The following C6orf89 variants were observed in gnomAD, a reference collection of about 807,000 sequenced individuals.
C6orf89 encodes the protein chromosome 6 open reading frame 89.
A neutral mutation model predicts 40.7 loss-of-function variants in C6orf89; 29 were observed. The observed-to-expected ratio is 0.71, with a 90% CI of 0.53 to 0.97. The LOEUF is 0.97. Ranked by LOEUF, C6orf89 falls within the 50% of genes least tolerant of loss-of-function variation. The pLI, the probability that C6orf89 is intolerant of heterozygous loss-of-function variation, is 0.00. For synonymous variants in C6orf89, 165 were observed against 152.2 expected (o/e 1.08, Z -0.62); for missense variants, 392 against 429.1 (o/e 0.91, Z 0.76).
chr6:36,874,249 A>G (rs556871199), intron 1 of C6orf89, among the ~76,000 whole-genome samples: 1 of 152,346 alleles, frequency 6.6e-6, no homozygotes, highest in African/African-American at 2.4e-5. Context: ...TCACTCTTTG[A>G]TAGTGGGGAA....
At chr6:36,899,334 C>A (rs879158913) in intron 2 of C6orf89, 92 bp from the exon 3 acceptor site, 4 of 1,116,432 alleles carry the variant, frequency 3.6e-6, no homozygotes, top group African/African-American at 3.1e-5. Context: ...CAAAACTGGT[C>A]CTTCTCTACA....
chr6:36,907,302 T>TTTGTA (rs1413751287), intron 4 of C6orf89, among the ~76,000 whole-genome samples: 1 of 152,120 alleles, frequency 6.6e-6, no homozygotes, highest in African/African-American at 2.4e-5. Flanking sequence ...TTTGTTTTGT[T>TTTGTA]TTGTTTTGTT....
At chr6:36,874,807 T>G (rs1397143429) in intron 1 of C6orf89, 2 of 1,611,610 alleles carry the variant, frequency 1.2e-6, no homozygotes, top group African/African-American at 1.3e-5. Flanking sequence ...GTCTAGTAAT[T>G]GCTACTTCCG....
chr6:36,917,712 T>TGCCTCAGA (rs56310508), intron 7 of C6orf89, among the ~76,000 whole-genome samples: 33,989 of 151,956 alleles, frequency 0.22, 3,858 homozygotes, highest in East Asian at 0.3. Flanking sequence ...GCTGGGCTCT[T>TGCCTCAGA]GCCTCAGATT....
intron 3 of C6orf89, among the ~76,000 whole-genome samples, chr6:36,900,567 A>G (rs534332310): frequency 4.6e-4 from 63 of 137,978 alleles, no homozygotes; most frequent in Admixed American, 3.7e-3. Flanking sequence ...TGGTGCCATC[A>G]TGGCTCACTG....
chr6:36,873,260 T>C (rs190725574), intron 1 of C6orf89, among the ~76,000 whole-genome samples: 1 of 152,312 alleles, frequency 6.6e-6, no homozygotes, highest in East Asian at 1.9e-4. Context: ...TGCCTAAGGA[T>C]ACAATATGTG....
At chr6:36,889,060 A>T (rs549438803) in intron 1 of C6orf89, among the ~76,000 whole-genome samples, 82 of 152,240 alleles carry the variant, frequency 5.4e-4, no homozygotes, top group African/African-American at 1.9e-3. Context: ...TGGAGAAGAG[A>T]TTTGGGAATC....
intron 1 of C6orf89, among the ~76,000 whole-genome samples, chr6:36,873,525 TTGA>T (rs1774564742): frequency 1.3e-5 from 2 of 152,354 alleles, no homozygotes; most frequent in African/African-American, 4.8e-5. Context: ...CAACAAACTG[TTGA>T]TGGTGTTTTC....
chr6:36,914,033 C>T (rs972219790), intron 4 of C6orf89, among the ~76,000 whole-genome samples: 8 of 152,144 alleles, frequency 5.3e-5, no homozygotes, highest in African/African-American at 9.7e-5. Context: ...TGGTGGCATG[C>T]GCCTGTAGTT....
upstream of C6orf89, chr6:36,885,940 G>C (rs569050634): frequency 8.2e-7 from 1 of 1,218,382 alleles, no homozygotes; most frequent in East Asian, 3.2e-5. Context: ...TCCGGGTCGC[G>C]CTCCCGGAAA....
intron 7 of C6orf89, among the ~76,000 whole-genome samples, chr6:36,917,522 T>C (rs2150713389): frequency 6.6e-6 from 1 of 152,302 alleles, no homozygotes; most frequent in South Asian, 2.1e-4. Context: ...TTTTCCTTCA[T>C]AAAAAAATAA....
At chr6:36,874,702 C>T in intron 1 of C6orf89, 1 of 1,613,736 alleles carries the variant, frequency 6.2e-7, no homozygotes, top group Non-Finnish European at 8.5e-7. Context: ...GCCCCAGACG[C>T]CCGAACCCCC....
chr6:36,899,278 A>G (rs144084583), intron 2 of C6orf89, 148 bp from the exon 3 acceptor site: 2 of 639,808 alleles, frequency 3.1e-6, no homozygotes, highest in Admixed American at 2.9e-5. Context: ...CTGTGTATTC[A>G]TTGTGTTTCA....
At chr6:36,899,135 A>G (rs1299273063) in intron 2 of C6orf89, among the ~76,000 whole-genome samples, 1 of 152,162 alleles carries the variant, frequency 6.6e-6, no homozygotes, top group African/African-American at 2.4e-5. Flanking sequence ...TCAGAGTCCC[A>G]TTAGGATATA....
upstream of C6orf89, among the ~76,000 whole-genome samples, chr6:36,883,541 T>G (rs1774881071): frequency 6.6e-6 from 1 of 152,352 alleles, no homozygotes; most frequent in South Asian, 2.1e-4. Context: ...AGGGTATACT[T>G]TTATTTGTGA....
chr6:36,901,289 GTATTATTATTATTAT>G (rs1337857767), intron 3 of C6orf89, among the ~76,000 whole-genome samples: 1 of 79,494 alleles, frequency 1.3e-5, no homozygotes, highest in Non-Finnish European at 2.5e-5. Flanking sequence ...GCCCCTTTGT[GTATTATTATTATTAT>G]TATTATTATT....
intron 1 of C6orf89, among the ~76,000 whole-genome samples, chr6:36,877,956 T>C (rs1281583709): frequency 6.6e-6 from 1 of 152,254 alleles, no homozygotes; most frequent in Non-Finnish European, 1.5e-5. Context: ...AATTTTAATG[T>C]AGTCCAACAT....
chr6:36,881,483 G>A (rs1315954645), upstream of C6orf89, among the ~76,000 whole-genome samples: 2 of 152,134 alleles, frequency 1.3e-5, no homozygotes, highest in Admixed American at 6.5e-5. Flanking sequence ...GACCAGCCTG[G>A]CTAACATGGT....
At chr6:36,901,318 A>ATTTTTTTTTTTTTTTTTTTTT (rs1408790414) in intron 3 of C6orf89, among the ~76,000 whole-genome samples, 16 of 65,116 alleles carry the variant, frequency 2.5e-4, no homozygotes, top group African/African-American at 3.3e-4. Context: ...TATTATTATT[A>ATTTTTTTTTTTTTTTTTTTTT]TTATTTTTTT....
Sources: gnomAD v4.1 joint callset for allele counts (sites outside exome capture counted in the v4.1 genomes callset) on GRCh38, gnomAD v4.1.1 for gene constraint, MANE v1.5 for transcripts, NCBI Gene and HGNC (gene_info 2026-07-23, HGNC 2026-07-21) for gene names.